Variants in IWS1 observed in about 807,000 individuals in gnomAD.
IWS1 encodes the protein protein IWS1 homolog.
A neutral mutation model predicts 86.7 loss-of-function variants in IWS1; 27 were observed. The ratio of observed to expected loss-of-function variants is 0.31; its 90% CI spans 0.23 to 0.43. The LOEUF (loss-of-function observed/expected upper bound fraction) is 0.43, where lower values mean the gene tolerates loss of function less well. IWS1 is among the 20% of genes least tolerant of loss of function. The probability of loss-of-function intolerance (pLI) is 1.00; values close to 1 mark genes in which losing one functional copy is unlikely to be tolerated. For synonymous variants in IWS1, 313 were observed against 335.1 expected, an observed-to-expected ratio of 0.93 and a Z score of 0.72; for missense variants, 827 against 1,000.8, an observed-to-expected ratio of 0.83 and a Z score of 2.34.
Position 127,505,293 on chromosome 2 carries a change from G to T in IWS1, c.610C>A (p.Pro204Thr). Residue 204 changes from proline to threonine, a missense_variant, in exon 3 of 14, where the codon CCC becomes ACC. Coordinates refer to ENST00000295321, the MANE Select transcript of IWS1 (RefSeq NM_017969.3). The surrounding 1 kb of genome is among the most constrained non-coding windows in gnomAD (Gnocchi z 5.0). ...TCAGAATCACTCATTCGAGGTTTGGGAGGCTCCTCATTTTCGGAGTCACTG... is the reference window on the plus strand; with the variant it reads ...TCAGAATCACTCATTCGAGGTTTGGTAGGCTCCTCATTTTCGGAGTCACTG... ...QASDSENEEP[P>T]KPRMSDSESE... The T allele has an allele frequency of 6.2e-7, 1 of 1,613,352 alleles. No individual in the cohort carries two copies. Among genetic ancestry groups the T allele is most frequent in the Non-Finnish European group, 8.5e-7 (1 of 1,179,826 alleles).
At position 127,508,297 on chromosome 2, in the gene IWS1, A is replaced by G. The variant is rs367627140; in HGVS notation, c.151-2545T>C. ...GTGTGACATGCACTATTCACAAAGT[A>G]TGTATATGATATTTCAAAAGTGTAC... is the stretch of plus-strand genomic sequence containing the variant. On this transcript the variant is annotated intron_variant, in intron 2 of 13. Coordinates refer to ENST00000295321, the MANE Select transcript of IWS1 (RefSeq NM_017969.3). Among the ~76,000 whole-genome samples the G allele has an allele frequency of 2.2e-4, 33 of 152,276 alleles. No homozygotes were observed. The East Asian group carries it at 6.4e-3, about 29-fold the overall frequency.
rs188180163 is a variant in IWS1, at chr2:127,510,054, T to C, written c.151-4302A>G. On this transcript the variant is annotated intron_variant, in intron 2 of 13. Transcript: ENST00000295321. The stretch of plus-strand genomic sequence containing the variant: ...CTGGTGAGAAGTGTCAAACTCAAAG[T>C]ACTTGATGTTGCATACTACTCTACC... 1.1e-3 allele frequency among the ~76,000 whole-genome samples: 167 copies of C among 152,334 alleles called. 1 individual carries two copies. The highest frequency in any genetic ancestry group is 2.2e-3 in the Non-Finnish European group (147 of 68,032).
At chr2:127,495,013 T>A in intron 7 of IWS1, 59 bp from the exon 8 acceptor site, 1 of 976,004 alleles carries the variant, frequency 1.0e-6, no homozygotes, top group Non-Finnish European at 1.5e-6. Context: ...TAATATTGAA[T>A]TCACTGTAAT....
intron 1 of IWS1, among the ~76,000 whole-genome samples, chr2:127,524,981 C>T (rs909483618): frequency 6.6e-6 from 1 of 151,870 alleles, no homozygotes; most frequent in African/African-American, 2.4e-5. Context: ...CTCTGCCTCC[C>T]GGGCTCAGGG....
intron 2 of IWS1, among the ~76,000 whole-genome samples, chr2:127,519,837 T>G (rs1573568146): frequency 1.3e-5 from 2 of 152,188 alleles, no homozygotes; most frequent in Non-Finnish European, 2.9e-5. Flanking sequence ...AAGAGAGAGA[T>G]ATGATGACAG....
chr2:127,491,530 G>A (rs1469709821), intron 10 of IWS1, among the ~76,000 whole-genome samples: 2 of 151,880 alleles, frequency 1.3e-5, no homozygotes, highest in African/African-American at 4.8e-5. Flanking sequence ...TGCAACCTCC[G>A]CCTCCCGGGT....
Position 127,503,419 on chromosome 2 carries a change from A to C in IWS1, c.1377T>G (p.Phe459Leu). 6.2e-7 allele frequency: 1 copy of C among 1,613,174 alleles called. No individual in the cohort carries two copies. The highest frequency in any genetic ancestry group is 8.5e-7 in the Non-Finnish European group (1 of 1,179,654). ...CATTGCCTGACTCACTGTCACTCCCAAACAGATCCTTCTCTTCATTTTTCT... is the reference window on the plus strand; with the variant it reads ...CATTGCCTGACTCACTGTCACTCCCCAACAGATCCTTCTCTTCATTTTTCT... ...SDKKNEEKDL[F>L]GSDSESGNEE... Residue 459 changes from phenylalanine to leucine, a missense_variant, in exon 4 of 14, where the codon TTT (phenylalanine) becomes TTG (leucine). By Grantham distance (22) the Phe-to-Leu change is conservative. Around this residue, in one of 2 missense-constraint regions of IWS1, gnomAD observed 548 missense variants for 560.2 expected, o/e 0.98. Transcript: ENST00000295321.
At chr2:127,503,861 T>A (rs540480898) in intron 3 of IWS1, among the ~76,000 whole-genome samples, 2 of 152,292 alleles carry the variant, frequency 1.3e-5, no homozygotes, top group South Asian at 4.1e-4. Context: ...AGCAGCCACC[T>A]TTCCTTTTGG....
At chr2:127,492,546 C>CA (rs67080980) in intron 9 of IWS1, among the ~76,000 whole-genome samples, 34 of 143,156 alleles carry the variant, frequency 2.4e-4, no homozygotes, top group South Asian at 4.4e-4. Flanking sequence ...AACTCCGTCT[C>CA]AAAAAAAAAA....
intron 13 of IWS1, among the ~76,000 whole-genome samples, chr2:127,485,230 G>A (rs1689868187): frequency 6.6e-6 from 1 of 152,124 alleles, no homozygotes; most frequent in African/African-American, 2.4e-5. Flanking sequence ...GAACTGGCAG[G>A]TAGGAGAGTG....
In IWS1 at chr2:127,495,037, A is replaced by G. The variant is rs905851293; in HGVS notation, c.1717-83T>C. ...ATTCACTGTAATTCTGAACCTTAAA[A>G]TAACAGTTTTTCAAAGAAACAATTT... On this transcript the variant is annotated intron_variant, in intron 7 of 13. Transcript: ENST00000295321. 6 of 807,928 alleles carry G rather than the reference A, an allele frequency of 7.4e-6. No individual in the cohort carries two copies. The African/African-American group carries it at 1.1e-4, about 14-fold the overall frequency. 50.0% of individuals were successfully genotyped at this position (807,928 alleles called of 1,614,324 possible).
In IWS1 at chr2:127,520,985, C is replaced by T. The variant is rs1029068113; in HGVS notation, c.150+2691G>A. On this transcript the variant is annotated intron_variant, in intron 2 of 13. Transcript: ENST00000295321. ...GATAAAAAATAATACATAGGCTGGG[C>T]ACAGTGGCTCACACCTGTAATTCCA... Among the ~76,000 whole-genome samples, 5 of 152,312 alleles carry T rather than the reference C, an allele frequency of 3.3e-5. No individual in the cohort carries two copies. In the South Asian group the frequency reaches 6.2e-4, roughly 19 times the overall value.
upstream of IWS1, chr2:127,526,840 C>T (rs1692449358): frequency 2.3e-6 from 1 of 437,374 alleles, no homozygotes; most frequent in Non-Finnish European, 4.1e-6. Flanking sequence ...TGGTTCCCGC[C>T]CGCAGTAGGC....
intron 2 of IWS1, among the ~76,000 whole-genome samples, chr2:127,523,286 A>G (rs1379702048): frequency 6.6e-6 from 1 of 152,130 alleles, no homozygotes; most frequent in Non-Finnish European, 1.5e-5. Flanking sequence ...TGCTGACATA[A>G]ATGTTGACAG....
chr2:127,516,430 G>T (rs1691778447), intron 2 of IWS1, among the ~76,000 whole-genome samples: 2 of 152,186 alleles, frequency 1.3e-5, no homozygotes, highest in South Asian at 4.2e-4. Flanking sequence ...AAAAAAAAGA[G>T]GACTTCAACA....
intron 1 of IWS1, 84 bp from the exon 2 acceptor site, chr2:127,523,875 A>G: frequency 1.1e-6 from 1 of 928,252 alleles, no homozygotes; most frequent in Non-Finnish European, 1.7e-6. Flanking sequence ...ATCAAGAATA[A>G]CGTAAGTGCA....
chr2:127,508,969 A>G (rs1691293867), intron 2 of IWS1, among the ~76,000 whole-genome samples: 1 of 152,208 alleles, frequency 6.6e-6, no homozygotes, highest in Admixed American at 6.5e-5. Context: ...AAACCCTTAC[A>G]AGGACACTGC....
In IWS1 at chr2:127,489,796, C is replaced by T. The variant is rs149557875; in HGVS notation, c.2159+36G>A. 1.3e-5 allele frequency: 14 copies of T among 1,115,138 alleles called. No homozygotes were observed. The highest frequency in any genetic ancestry group is 3.9e-4 in the Middle Eastern group (2 of 5,122). The allele number at this position is 1,115,138 out of a possible 1,614,324, so 69.1% of individuals were successfully genotyped here. On this transcript the variant is annotated intron_variant, in intron 11 of 13. Transcript: ENST00000295321. This position sits in a 1 kb window ranked among gnomAD's most constrained non-coding sequence, Gnocchi z 4.8. ...TAAAACTGAGTTACTGCAACAATAA[C>T]GTGTATTCCACTTACTCATACCTGT...
At chr2:127,513,056 T>C (rs1186075750) in intron 2 of IWS1, among the ~76,000 whole-genome samples, 1 of 152,070 alleles carries the variant, frequency 6.6e-6, no homozygotes, top group African/African-American at 2.4e-5. Context: ...GCCTGGCCAA[T>C]AGGGTGAAAC....
Sources: allele counts gnomAD v4.1 joint callset (sites outside exome capture counted in the v4.1 genomes callset), GRCh38; gene constraint gnomAD v4.1.1; regional missense constraint gnomAD v4.1.1; non-coding constraint Gnocchi (gnomAD v3.1); transcripts MANE v1.5; gene names NCBI Gene and HGNC (gene_info 2026-07-23, HGNC 2026-07-21).